Variants in UNC79 observed in about 807,000 individuals in gnomAD.
UNC79 encodes the protein protein unc-79 homolog.
UNC79 carries 37 observed loss-of-function variants against 283.1 expected under a neutral mutation model. The observed-to-expected ratio is 0.13, with a 90% confidence interval of 0.10 to 0.17. The LOEUF is 0.17. UNC79 is among the 10% of genes least tolerant of loss of function. The probability of loss-of-function intolerance (pLI) is 1.00; values close to 1 mark genes in which losing one functional copy is unlikely to be tolerated. For missense variants in UNC79, 2,272 were observed against 3,211.1 expected (o/e 0.71, Z 7.07); for synonymous variants, 1,107 against 1,200.2 (o/e 0.92, Z 1.61).
At chr14:93,598,411 G>GA (rs1423046588) in intron 24 of UNC79, among the ~76,000 whole-genome samples, 4 of 127,532 alleles carry the variant, frequency 3.1e-5, no homozygotes, top group Admixed American at 1.6e-4. Flanking sequence ...TGTGTGTGTG[G>GA]CAGATTTTAA....
intron 12 of UNC79, among the ~76,000 whole-genome samples, chr14:93,539,807 A>G (rs370059633): frequency 6.6e-6 from 1 of 152,216 alleles, no homozygotes; most frequent in Non-Finnish European, 1.5e-5. Context: ...TCTTTTTGAA[A>G]TAACATTACA....
At chr14:93,668,460 C>T (rs188483269) in intron 40 of UNC79, among the ~76,000 whole-genome samples, 1 of 152,174 alleles carries the variant, frequency 6.6e-6, no homozygotes. Flanking sequence ...CCTATAATCC[C>T]TTCACTTTGG....
At chr14:93,477,520 A>C (rs2057871294) in intron 3 of UNC79, 38 bp from the exon 4 acceptor site, 2 of 1,515,820 alleles carry the variant, frequency 1.3e-6, no homozygotes, top group African/African-American at 1.4e-5. Flanking sequence ...GTTAATTGCA[A>C]AATATTCAGT....
chr14:93,570,427 C>A (rs963978847), intron 14 of UNC79, among the ~76,000 whole-genome samples: 1 of 152,110 alleles, frequency 6.6e-6, no homozygotes, highest in African/African-American at 2.4e-5. Flanking sequence ...TTTAACAGAG[C>A]CTTTAGGATA....
intron 1 of UNC79, among the ~76,000 whole-genome samples, chr14:93,418,332 C>T (rs2055509753): frequency 6.6e-6 from 1 of 151,684 alleles, no homozygotes; most frequent in African/African-American, 2.4e-5. Flanking sequence ...TGCAGAACAG[C>T]AGATTTTCGT....
chr14:93,706,704 C>A (rs778270777), exon 49 of UNC79: 1 of 1,614,088 alleles, frequency 6.2e-7, no homozygotes, highest in South Asian at 1.1e-5. Context: ...TTTTCGACAG[C>A]ACTTATCTGC....
rs1198236794 is a variant in UNC79 at position 93,532,685 on chromosome 14, ATGCCATTG to A, written c.1122+109_1122+116del. On this transcript the variant is annotated intron_variant, in intron 11 of 48. Coordinates refer to ENST00000555664, the Ensembl canonical transcript of UNC79. Reference sequence around the variant, plus strand: ...CTGCACCGTGGTTTCCAGTATATGCATGCCATTGTATTTGTGGAGGGGTAAAGGAAATA... The same window carrying A: ...CTGCACCGTGGTTTCCAGTATATGCATATTTGTGGAGGGGTAAAGGAAATA... The A allele has an allele frequency of 3.8e-6, 5 of 1,326,640 alleles. No individual in the cohort carries two copies. In the African/African-American group the frequency reaches 7.3e-5, roughly 19 times the overall value. The allele number at this position is 1,326,640 out of a possible 1,614,324, so 82.2% of individuals were successfully genotyped here. A position where few individuals can be genotyped will look rare whatever the true frequency, so the allele number is the denominator to read the frequency against.
At position 93,697,327 on chromosome 14, in the gene UNC79, G is replaced by C. The variant is rs192377037; in HGVS notation, c.7548+2915G>C. ...ATTTTTGTATTTTTAATAGAGACAG[G>C]GTTTCACTATGTTGGCCAGGCTGGT... On this transcript the variant is annotated intron_variant, in intron 47 of 48. Transcript: ENST00000555664. 2.9e-3 allele frequency among the ~76,000 whole-genome samples: 444 copies of C among 152,070 alleles called. 4 individuals are homozygous for C. Among genetic ancestry groups the C allele is most frequent in the African/African-American group, 0.01 (430 of 41,504 alleles).
intron 1 of UNC79, chr14:93,348,493 C>T: frequency 5.7e-6 from 1 of 176,762 alleles, no homozygotes; most frequent in Non-Finnish European, 1.2e-5. Context: ...TGACATCACC[C>T]TTAAAAGATT....
chr14:93,342,739 GCTAGGTCA>G (rs2053739805), intron 1 of UNC79, among the ~76,000 whole-genome samples: 1 of 152,208 alleles, frequency 6.6e-6, no homozygotes, highest in South Asian at 2.1e-4. Flanking sequence ...TTCAGAAAAA[GCTAGGTCA>G]CATCTTGAAT....
chr14:93,381,015 A>G (rs2139988408), intron 1 of UNC79, among the ~76,000 whole-genome samples: 1 of 152,360 alleles, frequency 6.6e-6, no homozygotes, highest in South Asian at 2.1e-4. Flanking sequence ...GATGTGTCCC[A>G]TATGGAATTT....
At chr14:93,525,017 TG>T (rs2060482732) in intron 8 of UNC79, among the ~76,000 whole-genome samples, 1 of 152,226 alleles carries the variant, frequency 6.6e-6, no homozygotes, top group Admixed American at 6.5e-5. Context: ...ATGTGTTTCA[TG>T]AACCAAAAAC....
chr14:93,399,786 G>A (rs1225197899), intron 1 of UNC79, among the ~76,000 whole-genome samples: 1 of 152,054 alleles, frequency 6.6e-6, no homozygotes, highest in African/African-American at 2.4e-5. Context: ...ATGTTAGTTG[G>A]GGCTCTTCCT....
exon 46 of UNC79, chr14:93,691,945 T>G (rs1338887670): frequency 6.2e-7 from 1 of 1,613,982 alleles, no homozygotes; most frequent in Non-Finnish European, 8.5e-7. Flanking sequence ...CATAACAAAG[T>G]GGTGAGTTCA....
chr14:93,634,631 G>A, intron 31 of UNC79: 1 of 1,613,798 alleles, frequency 6.2e-7, no homozygotes, highest in African/African-American at 1.3e-5. Flanking sequence ...CAGCAACTGG[G>A]ACACTGGTGG....
upstream of UNC79, chr14:93,430,296 C>T (rs2055826187): frequency 6.5e-6 from 1 of 152,796 alleles, no homozygotes; most frequent in South Asian, 2.1e-4. The surrounding 1 kb of genome is among the most constrained non-coding windows in gnomAD (Gnocchi z 4.6). Context: ...CATCCCCAAT[C>T]ATCAGCAGGA....
At chr14:93,333,523 C>CGTAAGCACTT (rs1159879840) in the UNC79 span, 1 of 398,160 alleles carries the variant, frequency 2.5e-6, no homozygotes, top group Non-Finnish European at 4.4e-6. Context: ...ACTTGTCTAT[C>CGTAAGCACTT]GTAAGCACTT....
At chr14:93,485,031 A>G (rs955439026) in intron 4 of UNC79, among the ~76,000 whole-genome samples, 2 of 152,128 alleles carry the variant, frequency 1.3e-5, no homozygotes, top group Non-Finnish European at 2.9e-5. Context: ...CATCTTTCCT[A>G]CTTTTAAAGG....
At chr14:93,660,941 A>G (rs768917231) in intron 39 of UNC79, among the ~76,000 whole-genome samples, 5 of 152,128 alleles carry the variant, frequency 3.3e-5, no homozygotes, top group African/African-American at 4.8e-5. Context: ...ATTAGTACTA[A>G]GTCTGTGAGT....
Sources: allele counts gnomAD v4.1 joint callset (sites outside exome capture counted in the v4.1 genomes callset), GRCh38; gene constraint gnomAD v4.1.1; non-coding constraint Gnocchi (gnomAD v3.1); transcripts MANE v1.5; gene names NCBI Gene and HGNC (gene_info 2026-07-23, HGNC 2026-07-21).